The following NALF1 variants were observed in gnomAD, a reference collection of about 807,000 sequenced individuals.
NALF1 encodes NALCN channel auxiliary factor 1.
NALF1 carries 3 observed loss-of-function variants against 48.4 expected under a neutral mutation model. The observed-to-expected ratio is 0.06, with a 90% CI of 0.03 to 0.16. The LOEUF (loss-of-function observed/expected upper bound fraction) is 0.16, where lower values mean the gene tolerates loss of function less well. NALF1 is among the 10% of genes least tolerant of loss of function. The pLI, the probability that NALF1 is intolerant of heterozygous loss-of-function variation, is 1.00. For missense variants in NALF1, 526 were observed against 571.5 expected (o/e 0.92, Z 0.81); for synonymous variants, 262 against 245.7 (o/e 1.07, Z -0.62).
intron 1 of NALF1, among the ~76,000 whole-genome samples, chr13:107,403,188 C>CTTTTTTTTTTTTTTTTTTTTTTTT (rs10710356): frequency 2.1e-4 from 9 of 42,476 alleles, no homozygotes; most frequent in Non-Finnish European, 2.9e-4. Flanking sequence ...CTTGTTCGGG[C>CTTTTTTTTTTTTTTTTTTTTTTTT]TTTTTTTTTT....
intron 1 of NALF1, among the ~76,000 whole-genome samples, chr13:107,417,276 T>C (rs1884106494): frequency 6.6e-6 from 1 of 152,234 alleles, no homozygotes; most frequent in Non-Finnish European, 1.5e-5. Context: ...AACCATTGTC[T>C]GTGCTTTTCA....
intron 1 of NALF1, among the ~76,000 whole-genome samples, chr13:107,283,760 C>T (rs146622584): frequency 9.0e-4 from 137 of 151,900 alleles, no homozygotes; most frequent in African/African-American, 3.0e-3. Flanking sequence ...CCCAGGTTCA[C>T]GTCATTCTCC....
chr13:107,664,454 C>T (rs1403368906), intron 1 of NALF1, among the ~76,000 whole-genome samples: 1 of 152,140 alleles, frequency 6.6e-6, no homozygotes, highest in Admixed American at 6.6e-5. Context: ...TCGTGTCCCT[C>T]TTCTAAGCAT....
At chr13:107,641,045 T>C (rs1483808272) in intron 1 of NALF1, among the ~76,000 whole-genome samples, 1 of 152,218 alleles carries the variant, frequency 6.6e-6, no homozygotes, top group African/African-American at 2.4e-5. Flanking sequence ...TAAAATATGG[T>C]ATTGACACAC....
At chr13:107,468,768 T>C (rs1001221573) in intron 1 of NALF1, among the ~76,000 whole-genome samples, 1 of 152,252 alleles carries the variant, frequency 6.6e-6, no homozygotes, top group Non-Finnish European at 1.5e-5. Flanking sequence ...GATTTTAACA[T>C]TGGGAGTATG....
intron 1 of NALF1, among the ~76,000 whole-genome samples, chr13:107,623,539 C>T (rs940543422): frequency 1.3e-5 from 2 of 152,048 alleles, no homozygotes; most frequent in Non-Finnish European, 2.9e-5. Context: ...CAGAAATATC[C>T]CAAAGTCTTA....
intron 2 of NALF1, among the ~76,000 whole-genome samples, chr13:107,199,348 T>C (rs1032742914): frequency 6.6e-6 from 1 of 152,074 alleles, no homozygotes; most frequent in African/African-American, 2.4e-5. Flanking sequence ...GGCGAGAAAA[T>C]TCATTTTTGT....
At chr13:107,746,571 A>T (rs1458782784) in intron 1 of NALF1, among the ~76,000 whole-genome samples, 1 of 152,216 alleles carries the variant, frequency 6.6e-6, no homozygotes, top group African/African-American at 2.4e-5. Context: ...AATCTGTAAC[A>T]TTTACATTAA....
intron 1 of NALF1, among the ~76,000 whole-genome samples, chr13:107,663,413 A>G (rs1880778045): frequency 6.6e-6 from 1 of 152,208 alleles, no homozygotes; most frequent in African/African-American, 2.4e-5. Context: ...CCAGTGCTGG[A>G]AAAACACACA....
intron 1 of NALF1, among the ~76,000 whole-genome samples, chr13:107,516,234 G>A (rs1368722188): frequency 6.6e-6 from 1 of 152,146 alleles, no homozygotes; most frequent in African/African-American, 2.4e-5. Flanking sequence ...AATGAGCGGA[G>A]TCAGGGTCTG....
At chr13:107,200,376 G>T (rs749066305) in intron 2 of NALF1, among the ~76,000 whole-genome samples, 1 of 152,128 alleles carries the variant, frequency 6.6e-6, no homozygotes, top group Non-Finnish European at 1.5e-5. Flanking sequence ...CTCGGGGGGC[G>T]GTGGGAAACA....
chr13:107,859,299 C>T (rs995890041), intron 1 of NALF1, among the ~76,000 whole-genome samples: 1 of 152,146 alleles, frequency 6.6e-6, no homozygotes, highest in Non-Finnish European at 1.5e-5. Context: ...TGCATTCACC[C>T]ACCACACATG....
intron 1 of NALF1, among the ~76,000 whole-genome samples, chr13:107,802,864 T>C (rs988342118): frequency 6.6e-6 from 1 of 152,140 alleles, no homozygotes; most frequent in Non-Finnish European, 1.5e-5. Flanking sequence ...CCTTTAAGAT[T>C]GAGGATGATA....
At chr13:107,864,812 G>T (rs180777530) in intron 1 of NALF1, among the ~76,000 whole-genome samples, 6 of 152,280 alleles carry the variant, frequency 3.9e-5, no homozygotes, top group Non-Finnish European at 8.8e-5. Context: ...AACTTGCGCA[G>T]GCTTCCCATT....
chr13:107,518,884 G>A (rs1876145997), intron 1 of NALF1, among the ~76,000 whole-genome samples: 1 of 152,168 alleles, frequency 6.6e-6, no homozygotes, highest in South Asian at 2.1e-4. Context: ...GTGATTCACA[G>A]GAGAAATGAA....
chr13:107,554,237 A>G (rs1594125993), intron 1 of NALF1, among the ~76,000 whole-genome samples: 1 of 152,308 alleles, frequency 6.6e-6, no homozygotes, highest in Non-Finnish European at 1.5e-5. Context: ...TCTTTGCAGG[A>G]AGCTCCATTT....
chr13:107,738,349 T>G (rs1447958257), intron 1 of NALF1, among the ~76,000 whole-genome samples: 1 of 152,230 alleles, frequency 6.6e-6, no homozygotes, highest in Non-Finnish European at 1.5e-5. Context: ...TTACGCATTC[T>G]GTGGACTCAT....
chr13:107,500,365 C>T (rs184506984), intron 1 of NALF1, among the ~76,000 whole-genome samples: 2 of 152,176 alleles, frequency 1.3e-5, no homozygotes, highest in Admixed American at 6.5e-5. Context: ...TAAGATAGTG[C>T]CTTGCCATCA....
chr13:107,171,513 T>C (rs1451034357), intron 2 of NALF1, among the ~76,000 whole-genome samples: 1 of 152,218 alleles, frequency 6.6e-6, no homozygotes, highest in African/African-American at 2.4e-5. Flanking sequence ...TGTCTGTCTC[T>C]CTCCGCTTCT....
Sources: gnomAD v4.1 joint callset for allele counts (sites outside exome capture counted in the v4.1 genomes callset) on GRCh38, gnomAD v4.1.1 for gene constraint, MANE v1.5 for transcripts, NCBI Gene and HGNC (gene_info 2026-07-23, HGNC 2026-07-21) for gene names.